Variants in PKM observed in about 807,000 individuals in gnomAD.
The protein encoded by PKM is pyruvate kinase M1/2.
In PKM, 18 loss-of-function variants were observed where a neutral mutation model predicts 49.8. The ratio of observed to expected loss-of-function variants is 0.36; its 90% CI spans 0.25 to 0.54. The LOEUF is 0.54. Among genes scored for constraint, PKM ranks in the 20% least tolerant of loss-of-function variants. The pLI is 0.89. For synonymous variants in PKM, 239 were observed against 261.8 expected (o/e 0.91, Z 0.84); for missense variants, 508 against 713.8 (o/e 0.71, Z 3.28).
Position 72,202,317 on chromosome 15 carries a change from C to A in PKM, c.1307+137G>T. ...AGGGGCTCTGCTCAATCCTTCCCTG[C>A]AGGCCCAAGGTGGCAGGCAGAGGGG... is the stretch of plus-strand genomic sequence containing the variant. On this transcript the variant is annotated intron_variant, in intron 9 of 10. Coordinates refer to ENST00000335181, the MANE Select transcript of PKM (RefSeq NM_002654.6). The surrounding 1 kb of genome is among the most constrained non-coding windows in gnomAD (Gnocchi z 4.5). The A allele has an allele frequency of 3.5e-6, 3 of 860,620 alleles. No homozygotes were observed. The highest frequency in any genetic ancestry group is 3.8e-6 in the Non-Finnish European group (2 of 530,778). The allele number at this position is 860,620 out of a possible 1,614,324, so 53.3% of individuals were successfully genotyped here.
At chr15:72,206,629 T>G in intron 8 of PKM, 99 bp downstream of exon 8, 1 of 1,183,418 alleles carries the variant, frequency 8.5e-7, no homozygotes, top group Non-Finnish European at 1.3e-6. Context: ...AGGCTGTGCA[T>G]AAGAGGATGG....
At chr15:72,203,360 A>G (rs2140608917) in intron 8 of PKM, 1 of 637,930 alleles carries the variant, frequency 1.6e-6, no homozygotes, top group Non-Finnish European at 2.8e-6. Flanking sequence ...TGAAAGTCCA[A>G]CTGCTTCAGG....
intron 2 of PKM, 49 bp downstream of exon 2, chr15:72,218,895 G>GTCAC: frequency 6.3e-7 from 1 of 1,592,466 alleles, no homozygotes; most frequent in East Asian, 2.2e-5. Context: ...GGAGAGAAAG[G>GTCAC]TCACTGCCCA....
chr15:72,206,646 C>CT, intron 8 of PKM, 82 bp downstream of exon 8: 1 of 1,393,756 alleles, frequency 7.2e-7, no homozygotes, highest in African/African-American at 1.4e-5. Context: ...ATGGAGAAAC[C>CT]TAAAAAGCTC....
chr15:72,209,897 A>C (rs1334974477), intron 4 of PKM, 38 bp from the exon 5 acceptor site: 9 of 1,531,010 alleles, frequency 5.9e-6, no homozygotes, highest in Non-Finnish European at 8.1e-6. Flanking sequence ...CAAACTGGAG[A>C]CACCAGTAGC....
chr15:72,215,297 A>T (rs886376544), intron 3 of PKM, among the ~76,000 whole-genome samples: 1 of 152,218 alleles, frequency 6.6e-6, no homozygotes, highest in African/African-American at 2.4e-5. Flanking sequence ...TGCTCAGAAG[A>T]GCATTTAAAA....
At chr15:72,212,936 G>A (rs1277719363) in intron 3 of PKM, among the ~76,000 whole-genome samples, 1 of 152,134 alleles carries the variant, frequency 6.6e-6, no homozygotes, top group African/African-American at 2.4e-5. Context: ...TTAGCCGGGC[G>A]TGGTAGCAGG....
intron 3 of PKM, among the ~76,000 whole-genome samples, chr15:72,214,153 T>C (rs2140708797): frequency 6.6e-6 from 1 of 152,330 alleles, no homozygotes; most frequent in African/African-American, 2.4e-5. Context: ...TTCAGTTTTC[T>C]TGACTTTGTT....
At chr15:72,201,204 A>G (rs1243432954) in intron 9 of PKM, 1 of 153,310 alleles carries the variant, frequency 6.5e-6, no homozygotes, top group African/African-American at 2.4e-5. Context: ...CAACTGGGCT[A>G]TAAAGGCCCA....
intron 5 of PKM, chr15:72,209,396 A>AATACAT (rs1268011418): frequency 3.3e-4 from 26 of 78,990 alleles, no homozygotes; most frequent in African/African-American, 1.3e-3. Context: ...CAGCGAAACA[A>AATACAT]ATATATATAT....
chr15:72,202,948 G>T lies in PKM; in HGVS notation c.1141-328C>A. ...TGTGCCCAGATGCCAGGTTGGGCCT[G>T]GCTGTCTTCTCCTAGAGCAGGTGGA... On this transcript the variant is annotated intron_variant, in intron 8 of 10. Coordinates refer to ENST00000335181, the MANE Select transcript of PKM (RefSeq NM_002654.6). The surrounding 1 kb of genome is among the most constrained non-coding windows in gnomAD (Gnocchi z 4.5). 6.8e-7 allele frequency: 1 copy of T among 1,474,046 alleles called. No homozygotes were observed. Among genetic ancestry groups the T allele is most frequent in the Non-Finnish European group, 9.4e-7 (1 of 1,058,976 alleles). The allele number at this position is 1,474,046 out of a possible 1,614,324, so 91.3% of individuals were successfully genotyped here. A position where few individuals can be genotyped will look rare whatever the true frequency, so the allele number is the denominator to read the frequency against.
chr15:72,209,424 T>C (rs2082178611), intron 5 of PKM: 3 of 16,998 alleles, frequency 1.8e-4, no homozygotes, highest in African/African-American at 5.1e-4. Flanking sequence ...TATATATATA[T>C]ATATATATAT....
At chr15:72,209,046 T>C (rs1312732284) in intron 5 of PKM, 155 bp from the exon 6 acceptor site, 2 of 772,034 alleles carry the variant, frequency 2.6e-6, no homozygotes, top group Non-Finnish European at 4.4e-6. Flanking sequence ...CACTGTGTAA[T>C]CCTGGGCAAG....
In PKM at chr15:72,221,210, C is replaced by A. The variant is rs757100098; in HGVS notation, c.-13-2100G>T. 3.4e-5 allele frequency: 52 copies of A among 1,535,524 alleles called. No homozygotes were observed. In the South Asian group the frequency reaches 6.1e-4, roughly 18 times the overall value. Reference sequence around the variant, plus strand: ...TGGGCTTCCGGTGACATAATGCTCCCCTTTTGGCTCAGGGTGGCTCCTTGG... The same window carrying A: ...TGGGCTTCCGGTGACATAATGCTCCACTTTTGGCTCAGGGTGGCTCCTTGG... On this transcript the variant is annotated intron_variant, in intron 1 of 10. Transcript: ENST00000335181.
chr15:72,201,332 G>A (rs772986611), intron 9 of PKM: 3 of 152,288 alleles, frequency 2.0e-5, no homozygotes, highest in Non-Finnish European at 4.4e-5. Flanking sequence ...TCCTTTGGAA[G>A]GCAGGGGACC....
At chr15:72,206,326 C>T (rs1393846322) in intron 8 of PKM, 1 of 222,312 alleles carries the variant, frequency 4.5e-6, no homozygotes, top group Non-Finnish European at 9.1e-6. Flanking sequence ...AGCAGGAGCC[C>T]CTAGCCCTTT....
chr15:72,228,396 GAGA>G (rs2082745069), intron 1 of PKM, among the ~76,000 whole-genome samples: 3 of 17,624 alleles, frequency 1.7e-4, no homozygotes, highest in South Asian at 2.3e-3. Flanking sequence ...TTTTTTTTTT[GAGA>G]AGGAGTCTCG....
chr15:72,214,794 C>CTAAA (rs60170895), intron 3 of PKM, among the ~76,000 whole-genome samples: 5,177 of 151,628 alleles, frequency 0.034, 129 homozygotes, highest in South Asian at 0.054. Context: ...GACTCCCTCT[C>CTAAA]TAAATAAATA....
intron 7 of PKM, 121 bp from the exon 8 acceptor site, chr15:72,207,001 G>C: frequency 6.8e-7 from 1 of 1,472,644 alleles, no homozygotes; most frequent in Admixed American, 1.7e-5. Context: ...TAGGTACATG[G>C]GGGAAGGGGA....
Sources: gnomAD v4.1 joint callset for allele counts (sites outside exome capture counted in the v4.1 genomes callset) on GRCh38, gnomAD v4.1.1 for gene constraint, Gnocchi (gnomAD v3.1) non-coding constraint, MANE v1.5 for transcripts, NCBI Gene and HGNC (gene_info 2026-07-23, HGNC 2026-07-21) for gene names.